CTNND2: variants seen among roughly 807,000 people sequenced by gnomAD.
CTNND2 encodes the protein catenin delta-2.
CTNND2 carries 22 observed loss-of-function variants against 144.4 expected under a neutral mutation model. The ratio of observed to expected loss-of-function variants is 0.15; its 90% CI spans 0.11 to 0.22. CTNND2 has a LOEUF of 0.22. Ranked by LOEUF, CTNND2 falls within the 10% of genes least tolerant of loss-of-function variation. The pLI is 1.00. For missense variants in CTNND2, 1,353 were observed against 1,618.8 expected, an observed-to-expected ratio of 0.84 and a Z score of 2.82; for synonymous variants, 751 against 695.6, an observed-to-expected ratio of 1.08 and a Z score of -1.25.
At chr5:11,891,186 T>A (rs1736930546) in intron 1 of CTNND2, among the ~76,000 whole-genome samples, 1 of 152,208 alleles carries the variant, frequency 6.6e-6, no homozygotes, top group Non-Finnish European at 1.5e-5. Flanking sequence ...AATACAGACA[T>A]GTGGGTCTAG....
At chr5:11,567,802 C>T (rs888928458) in intron 2 of CTNND2, among the ~76,000 whole-genome samples, 1 of 152,052 alleles carries the variant, frequency 6.6e-6, no homozygotes, top group Non-Finnish European at 1.5e-5. Flanking sequence ...AGCTGATTGA[C>T]TTTTTTCTCC....
At chr5:11,331,950 T>C (rs1222674047) in intron 9 of CTNND2, among the ~76,000 whole-genome samples, 1 of 152,080 alleles carries the variant, frequency 6.6e-6, no homozygotes, top group African/African-American at 2.4e-5. Flanking sequence ...CATAAGTGCT[T>C]GAGGTGATAG....
intron 2 of CTNND2, among the ~76,000 whole-genome samples, chr5:11,571,689 A>C (rs1316697041): frequency 6.6e-6 from 1 of 151,964 alleles, no homozygotes; most frequent in Non-Finnish European, 1.5e-5. Context: ...CCTTCGAGAG[A>C]TTTTCCTGTG....
Position 10,992,534 on chromosome 5 carries a change from C to A in CTNND2, c.3211+17G>T, listed in dbSNP as rs548525308. On this transcript the variant is annotated intron_variant, in intron 19 of 21. Coordinates refer to ENST00000304623, the MANE Select transcript of CTNND2 (RefSeq NM_001332.4). Reference sequence around the variant, plus strand: ...CGAGAAATAAAGCCTGGCTGGCTAGCCACGGCAGCCTCTTACCTGAGCGGT... The same window carrying A: ...CGAGAAATAAAGCCTGGCTGGCTAGACACGGCAGCCTCTTACCTGAGCGGT... The A allele has an allele frequency of 1.2e-6, 2 of 1,613,556 alleles. No individual in the cohort carries two copies. The highest frequency in any genetic ancestry group is 2.2e-5 in the South Asian group (2 of 91,068).
At chr5:11,649,124 T>G (rs1782515058) in intron 2 of CTNND2, among the ~76,000 whole-genome samples, 1 of 152,230 alleles carries the variant, frequency 6.6e-6, no homozygotes, top group African/African-American at 2.4e-5. Flanking sequence ...GTCAAAGCAT[T>G]GTATTAACAG....
At chr5:11,101,802 C>T (rs1751907583) in intron 14 of CTNND2, among the ~76,000 whole-genome samples, 1 of 151,970 alleles carries the variant, frequency 6.6e-6, no homozygotes, top group Non-Finnish European at 1.5e-5. Flanking sequence ...ATAAAGAGCA[C>T]ATGAAGACAA....
chr5:11,181,953 CGTGGTATCTGTGTAG>C (rs1735064961), intron 11 of CTNND2, among the ~76,000 whole-genome samples: 1 of 83,216 alleles, frequency 1.2e-5, no homozygotes, highest in African/African-American at 4.8e-5. Context: ...TGGGGGGGTG[CGTGGTATCTGTGTAG>C]TATGTGTGTG....
chr5:11,531,766 A>G (rs1581425697), intron 3 of CTNND2, among the ~76,000 whole-genome samples: 2 of 152,358 alleles, frequency 1.3e-5, no homozygotes, highest in African/African-American at 4.8e-5. Flanking sequence ...GCATTTTGAT[A>G]TATGCTTTTT....
intron 10 of CTNND2, among the ~76,000 whole-genome samples, chr5:11,232,290 T>C (rs1021822453): frequency 6.6e-6 from 1 of 151,746 alleles, no homozygotes; most frequent in African/African-American, 2.4e-5. Flanking sequence ...CCCAGAATGG[T>C]AGATCCACTG....
intron 1 of CTNND2, among the ~76,000 whole-genome samples, chr5:11,820,800 G>A (rs1433657982): frequency 6.6e-6 from 1 of 152,170 alleles, no homozygotes; most frequent in Non-Finnish European, 1.5e-5. Context: ...TGCAGGATGT[G>A]GGTTTTAAAA....
intron 14 of CTNND2, among the ~76,000 whole-genome samples, chr5:11,104,175 T>C (rs564757261): frequency 6.6e-6 from 1 of 152,362 alleles, no homozygotes; most frequent in South Asian, 2.1e-4. Flanking sequence ...AGTCATTACA[T>C]ATGTGCAGGC....
At chr5:11,137,763 T>C (rs1262442425) in intron 12 of CTNND2, among the ~76,000 whole-genome samples, 1 of 152,252 alleles carries the variant, frequency 6.6e-6, no homozygotes, top group Non-Finnish European at 1.5e-5. Context: ...AGAATATTCC[T>C]GATGTCTAGG....
intron 18 of CTNND2, among the ~76,000 whole-genome samples, chr5:10,994,402 A>G (rs1418778034): frequency 1.8e-4 from 3 of 16,466 alleles, no homozygotes; most frequent in African/African-American, 2.5e-4. Flanking sequence ...GGGGGCGGGG[A>G]ACGAGGAACG....
At chr5:11,484,248 C>T (rs1768583563) in intron 3 of CTNND2, among the ~76,000 whole-genome samples, 1 of 152,188 alleles carries the variant, frequency 6.6e-6, no homozygotes, top group South Asian at 2.1e-4. Context: ...TGTAACACCA[C>T]CTCCCCATCA....
intron 3 of CTNND2, among the ~76,000 whole-genome samples, chr5:11,514,771 G>A (rs1772008932): frequency 6.6e-6 from 1 of 152,140 alleles, no homozygotes; most frequent in Non-Finnish European, 1.5e-5. Context: ...ATATGCATGT[G>A]CATGCACCCC....
chr5:11,173,349 T>C (rs1760127900), intron 11 of CTNND2, among the ~76,000 whole-genome samples: 1 of 152,250 alleles, frequency 6.6e-6, no homozygotes, highest in Admixed American at 6.5e-5. Context: ...TCCCAAGTTC[T>C]GGAGACTGTG....
chr5:11,028,808 A>G, intron 16 of CTNND2, among the ~76,000 whole-genome samples: 1 of 152,200 alleles, frequency 6.6e-6, no homozygotes. Flanking sequence ...TCCTGGGTTC[A>G]AGCAATTCTC....
intron 12 of CTNND2, among the ~76,000 whole-genome samples, chr5:11,124,287 G>A (rs554974872): frequency 5.9e-4 from 90 of 152,058 alleles, no homozygotes; most frequent in East Asian, 5.8e-4. Context: ...TTAATTACAC[G>A]TAAAAATGCA....
chr5:11,743,692 G>C (rs144244601), intron 1 of CTNND2, among the ~76,000 whole-genome samples: 1 of 152,084 alleles, frequency 6.6e-6, no homozygotes, highest in African/African-American at 2.4e-5. Context: ...TCATGGAGGC[G>C]GCTACACAGG....
Sources: allele counts gnomAD v4.1 joint callset (sites outside exome capture counted in the v4.1 genomes callset), GRCh38; gene constraint gnomAD v4.1.1; transcripts MANE v1.5; gene names NCBI Gene and HGNC (gene_info 2026-07-23, HGNC 2026-07-21).